The following CADPS2 variants were observed in gnomAD, a reference collection of about 807,000 sequenced individuals.
CADPS2 encodes the protein calcium dependent secretion activator 2, also known as calcium-dependent secretion activator 2.
CADPS2 carries 93 observed loss-of-function variants against 172.5 expected under a neutral mutation model. That is an observed-to-expected ratio of 0.54 (90% CI 0.46 to 0.64). The LOEUF is 0.64. CADPS2 is among the 30% of genes least tolerant of loss of function. The pLI, the probability that CADPS2 is intolerant of heterozygous loss-of-function variation, is 0.00. For synonymous variants in CADPS2, 546 were observed against 555.2 expected (o/e 0.98, Z 0.23); for missense variants, 1,420 against 1,565.9 (o/e 0.91, Z 1.57).
At chr7:122,849,626 A>G (rs1217788105) in intron 1 of CADPS2, 13 of 268,424 alleles carry the variant, frequency 4.8e-5, no homozygotes, top group Non-Finnish European at 8.7e-5. Flanking sequence ...GTTATTAAGC[A>G]TTTATATGTT....
Position 122,607,548 on chromosome 7 carries a change from T to C in CADPS2, c.1223+7633A>G, listed in dbSNP as rs117150554. On this transcript the variant is annotated intron_variant, in intron 6 of 29. Transcript: ENST00000449022. Reference sequence around the variant, plus strand: ...GTAAATCAACAACAAATACTACTAATCATAATTCTATAAACTTTCTCCCAA... The same window carrying C: ...GTAAATCAACAACAAATACTACTAACCATAATTCTATAAACTTTCTCCCAA... Among the ~76,000 whole-genome samples, 94 of 152,304 alleles carry C rather than the reference T, an allele frequency of 6.2e-4. 1 individual carries two copies. The East Asian group carries it at 0.013, about 22-fold the overall frequency.
intron 11 of CADPS2, among the ~76,000 whole-genome samples, chr7:122,486,024 A>C (rs1441881822): frequency 6.6e-6 from 1 of 152,132 alleles, no homozygotes; most frequent in African/African-American, 2.4e-5. Context: ...CTGATGCTAG[A>C]ACAAAAGAAT....
intron 7 of CADPS2, among the ~76,000 whole-genome samples, chr7:122,564,761 C>A (rs1303404732): frequency 6.6e-6 from 1 of 151,610 alleles, no homozygotes; most frequent in Non-Finnish European, 1.5e-5. Context: ...ATAGAATCAA[C>A]CAAAATGTCT....
chr7:122,368,080 T>A (rs1192689847), intron 25 of CADPS2: 1 of 152,408 alleles, frequency 6.6e-6, no homozygotes, highest in Non-Finnish European at 1.5e-5. Flanking sequence ...GGTTTTGCCA[T>A]GTTGGCCAGG....
chr7:122,439,460 G>T (rs1480451046), intron 16 of CADPS2: 2 of 152,072 alleles, frequency 1.3e-5, no homozygotes, highest in African/African-American at 4.8e-5. Context: ...AATATTGAAA[G>T]AATATGAAAA....
intron 2 of CADPS2, among the ~76,000 whole-genome samples, chr7:122,669,318 G>A (rs2081516208): frequency 6.6e-6 from 1 of 150,782 alleles, no homozygotes; most frequent in South Asian, 2.1e-4. Context: ...GTGACAGAGT[G>A]AGATCCTGTC....
intron 8 of CADPS2, among the ~76,000 whole-genome samples, chr7:122,524,629 T>G (rs1263776598): frequency 6.6e-6 from 1 of 152,204 alleles, no homozygotes; most frequent in African/African-American, 2.4e-5. Flanking sequence ...GAATAGTGTA[T>G]GTGGTATCTC....
At chr7:122,500,180 T>C (rs933903233) in intron 9 of CADPS2, among the ~76,000 whole-genome samples, 1 of 152,182 alleles carries the variant, frequency 6.6e-6, no homozygotes, top group Admixed American at 6.5e-5. Context: ...AAAACCCTAC[T>C]CCTTTTTCCA....
intron 1 of CADPS2, among the ~76,000 whole-genome samples, chr7:122,739,778 G>T (rs2137920339): frequency 6.6e-6 from 1 of 152,260 alleles, no homozygotes; most frequent in Admixed American, 6.5e-5. Context: ...ATCTAGCACT[G>T]GGGATAGCTG....
rs149089234 is a variant in CADPS2, at chr7:122,658,579, T to C, written c.786+4658A>G. On this transcript the variant is annotated intron_variant, in intron 3 of 29. Coordinates refer to ENST00000449022, the MANE Select transcript of CADPS2 (RefSeq NM_017954.11). The stretch of plus-strand genomic sequence containing the variant: ...CGTAAAAAAGGATGAGTTAATGTCC[T>C]TTGTAGGGACATGGATGAAGCTGGA... 2.2e-3 allele frequency among the ~76,000 whole-genome samples: 342 copies of C among 152,320 alleles called. 1 individual carries two copies. Among genetic ancestry groups the C allele is most frequent in the Non-Finnish European group, 3.6e-3 (242 of 68,036 alleles).
At chr7:122,628,838 A>G (rs1250743938) in intron 4 of CADPS2, among the ~76,000 whole-genome samples, 1 of 150,466 alleles carries the variant, frequency 6.6e-6, no homozygotes, top group African/African-American at 2.5e-5. Context: ...ATTAAATGTT[A>G]GTCAGAACCA....
intron 2 of CADPS2, among the ~76,000 whole-genome samples, chr7:122,699,634 C>G (rs937002295): frequency 6.6e-6 from 1 of 151,988 alleles, no homozygotes; most frequent in African/African-American, 2.4e-5. Context: ...TATGGTTTTG[C>G]TGTTTTAAAG....
intron 29 of CADPS2, among the ~76,000 whole-genome samples, chr7:122,322,359 G>T (rs770359354): frequency 6.6e-6 from 1 of 152,144 alleles, no homozygotes; most frequent in African/African-American, 2.4e-5. Flanking sequence ...AATTAAGACC[G>T]CTTTCTTATT....
At chr7:122,454,452 T>C (rs1296687813) in intron 14 of CADPS2, among the ~76,000 whole-genome samples, 1 of 146,730 alleles carries the variant, frequency 6.8e-6, no homozygotes, top group Non-Finnish European at 1.5e-5. Context: ...TAGAAAATAA[T>C]AACGAGCAAT....
In CADPS2 at chr7:122,653,060, G is replaced by A. The variant is rs1422540583; in HGVS notation, c.786+10177C>T. Among the ~76,000 whole-genome samples, 6 of 152,148 alleles carry A rather than the reference G, an allele frequency of 3.9e-5. No individual in the cohort carries two copies. The South Asian group carries it at 6.2e-4, about 16-fold the overall frequency. ...TCTGGAACAAAGGATATTACCAAAC[G>A]ATGGCCATCGATGTCATGTGGCAGC... is the stretch of plus-strand genomic sequence containing the variant. On this transcript the variant is annotated intron_variant, in intron 3 of 29. Coordinates refer to ENST00000449022, the MANE Select transcript of CADPS2 (RefSeq NM_017954.11).
At chr7:122,416,665 A>G (rs1374826355) in intron 17 of CADPS2, among the ~76,000 whole-genome samples, 1 of 152,204 alleles carries the variant, frequency 6.6e-6, no homozygotes. Context: ...CAACTCTGAC[A>G]GCTAGCAATT....
intron 8 of CADPS2, among the ~76,000 whole-genome samples, chr7:122,520,298 AT>A (rs1184163298): frequency 6.6e-6 from 1 of 152,040 alleles, no homozygotes; most frequent in Admixed American, 6.6e-5. Context: ...CGACAAAACT[AT>A]TTTAAAATGC....
chr7:122,447,031 CTTTTTTTTTTT>C (rs71530096), intron 15 of CADPS2, among the ~76,000 whole-genome samples: 23 of 78,374 alleles, frequency 2.9e-4, no homozygotes, highest in African/African-American at 8.5e-4. Flanking sequence ...GTAGCTCCCT[CTTTTTTTTTTT>C]TTTTTTTTTT....
chr7:122,561,326 T>C (rs1003783621), intron 7 of CADPS2, among the ~76,000 whole-genome samples: 13 of 42,110 alleles, frequency 3.1e-4, no homozygotes, highest in Non-Finnish European at 5.1e-4. Context: ...TCCTTCCTTC[T>C]ATACACTTTT....
Sources: allele counts gnomAD v4.1 joint callset (sites outside exome capture counted in the v4.1 genomes callset), GRCh38; gene constraint gnomAD v4.1.1; transcripts MANE v1.5; gene names NCBI Gene and HGNC (gene_info 2026-07-23, HGNC 2026-07-21).